The following FLVCR2 variants were observed in gnomAD, a reference collection of about 807,000 sequenced individuals.
The protein encoded by FLVCR2 is choline/ethanolamine transporter FLVCR2.
FLVCR2 carries 38 observed loss-of-function variants against 48.9 expected under a neutral mutation model. The observed-to-expected ratio is 0.78, with a 90% CI of 0.60 to 1.02. The LOEUF is 1.02. Among genes scored for constraint, FLVCR2 ranks in the 50% least tolerant of loss-of-function variants. FLVCR2 has a pLI of 0.00. For missense variants in FLVCR2, 664 were observed against 663.3 expected (o/e 1.00, Z -0.01); for synonymous variants, 255 against 257.0 (o/e 0.99, Z 0.07).
intron 1 of FLVCR2, among the ~76,000 whole-genome samples, chr14:75,594,962 C>T (rs1344694103): frequency 6.6e-6 from 1 of 152,100 alleles, no homozygotes; most frequent in South Asian, 2.1e-4. Flanking sequence ...AAGAGTTCCT[C>T]CCGCCTCAGC....
At chr14:75,630,845 G>A (rs1206709338) in intron 3 of FLVCR2, among the ~76,000 whole-genome samples, 2 of 152,288 alleles carry the variant, frequency 1.3e-5, no homozygotes, top group East Asian at 3.9e-4. Context: ...TTTCAGGGAA[G>A]ATCACATTTT....
intron 1 of FLVCR2, among the ~76,000 whole-genome samples, chr14:75,612,853 ACT>A: frequency 6.6e-6 from 1 of 152,162 alleles, no homozygotes; most frequent in South Asian, 2.1e-4. Context: ...GAGTGCCTTC[ACT>A]CTAGCCTGGT....
At chr14:75,637,591 C>T (rs768793726) in intron 5 of FLVCR2, among the ~76,000 whole-genome samples, 14 of 151,890 alleles carry the variant, frequency 9.2e-5, no homozygotes, top group Non-Finnish European at 1.8e-4. Context: ...ATTAGCCAGG[C>T]GTGGTGGCGG....
At chr14:75,636,449 T>G (rs1890168718) in intron 5 of FLVCR2, among the ~76,000 whole-genome samples, 1 of 152,180 alleles carries the variant, frequency 6.6e-6, no homozygotes, top group Non-Finnish European at 1.5e-5. Context: ...AACCACTGAA[T>G]AGCAGTGACC....
At chr14:75,632,823 A>G (rs1890078191) in intron 3 of FLVCR2, 1 of 702,116 alleles carries the variant, frequency 1.4e-6, no homozygotes, top group African/African-American at 1.7e-5. Context: ...ATTATCTCTA[A>G]AATGGTGACG....
chr14:75,613,049 T>C (rs370671791), intron 1 of FLVCR2, among the ~76,000 whole-genome samples: 1 of 152,328 alleles, frequency 6.6e-6, no homozygotes, highest in African/African-American at 2.4e-5. Flanking sequence ...TTGTGGTGTT[T>C]CAATGCACAC....
chr14:75,619,091 G>A (rs1441480612), intron 1 of FLVCR2, among the ~76,000 whole-genome samples: 2 of 152,032 alleles, frequency 1.3e-5, no homozygotes, highest in Non-Finnish European at 2.9e-5. Context: ...AGGCATGTTG[G>A]TGGGCACCTG....
At chr14:75,615,484 C>T (rs1217222525) in intron 1 of FLVCR2, among the ~76,000 whole-genome samples, 4 of 152,130 alleles carry the variant, frequency 2.6e-5, no homozygotes, top group Admixed American at 6.5e-5. Context: ...TGGGAAAGGG[C>T]CAACCCTGCA....
chr14:75,592,139 G>T (rs896555827), intron 1 of FLVCR2, among the ~76,000 whole-genome samples: 7 of 152,026 alleles, frequency 4.6e-5, no homozygotes, highest in African/African-American at 1.7e-4. Flanking sequence ...CCTGCTCCCA[G>T]GCTTGCTGAT....
intron 1 of FLVCR2, among the ~76,000 whole-genome samples, chr14:75,604,626 G>A (rs756887071): frequency 1.3e-5 from 2 of 151,984 alleles, no homozygotes; most frequent in Non-Finnish European, 2.9e-5. Flanking sequence ...AAAGGTAATC[G>A]CCTCTGTCTT....
intron 1 of FLVCR2, among the ~76,000 whole-genome samples, chr14:75,588,803 C>T (rs1279341528): frequency 2.0e-5 from 3 of 152,200 alleles, no homozygotes; most frequent in African/African-American, 4.8e-5. Context: ...CTTTAAGGGA[C>T]ACATTCAAAC....
intron 1 of FLVCR2, among the ~76,000 whole-genome samples, chr14:75,610,902 C>T (rs925140505): frequency 2.0e-5 from 3 of 152,198 alleles, no homozygotes; most frequent in African/African-American, 7.2e-5. Context: ...TGCTACTGTG[C>T]CCAACTTGTT....
intron 1 of FLVCR2, among the ~76,000 whole-genome samples, chr14:75,607,169 T>C (rs1401241903): frequency 3.3e-5 from 5 of 152,148 alleles, no homozygotes; most frequent in Admixed American, 2.0e-4. Context: ...CTTTTTTTTC[T>C]ATAGCAAGAA....
intron 3 of FLVCR2, among the ~76,000 whole-genome samples, chr14:75,632,082 G>T (rs74784083): frequency 6.6e-6 from 1 of 152,288 alleles, no homozygotes; most frequent in East Asian, 1.9e-4. Context: ...TGAGGAAATT[G>T]TTCATGACCT....
intron 1 of FLVCR2, among the ~76,000 whole-genome samples, chr14:75,580,889 A>C (rs1594786573): frequency 6.6e-6 from 1 of 152,206 alleles, no homozygotes; most frequent in African/African-American, 2.4e-5. Context: ...TGCAGGTCAC[A>C]GGGGATAGGA....
chr14:75,597,279 CA>C lies in FLVCR2; in HGVS notation c.669+17652del, dbSNP rs751154954. Among the ~76,000 whole-genome samples the C allele has an allele frequency of 2.3e-3, 244 of 106,650 alleles. 1 individual carries two copies. Among genetic ancestry groups the C allele is most frequent in the African/African-American group, 2.6e-3 (67 of 25,564 alleles). The allele number at this position is 106,650 out of a possible 152,430, so 70.0% of individuals were successfully genotyped here. A position where few individuals can be genotyped will look rare whatever the true frequency, so the allele number is the denominator to read the frequency against. ...CTGAGCTATAGAGCAAGACCCATCTCAAAAAAAAAAAAAAGAAGAAGAAGAA... is the reference window on the plus strand; with the variant it reads ...CTGAGCTATAGAGCAAGACCCATCTCAAAAAAAAAAAAAGAAGAAGAAGAA... On this transcript the variant is annotated intron_variant, in intron 1 of 9. Coordinates refer to ENST00000238667, the MANE Select transcript of FLVCR2 (RefSeq NM_017791.3).
At chr14:75,636,214 T>C (rs977042716) in intron 5 of FLVCR2, among the ~76,000 whole-genome samples, 1 of 152,184 alleles carries the variant, frequency 6.6e-6, no homozygotes, top group African/African-American at 2.4e-5. Context: ...GTGGCAGACC[T>C]GTTCTCTGCC....
chr14:75,585,113 G>T (rs534452516), intron 1 of FLVCR2, among the ~76,000 whole-genome samples: 1 of 152,194 alleles, frequency 6.6e-6, no homozygotes, highest in South Asian at 2.1e-4. Flanking sequence ...GAAGGGGAGA[G>T]ATCAGATGAG....
intron 1 of FLVCR2, among the ~76,000 whole-genome samples, chr14:75,602,327 C>T (rs1889184931): frequency 6.6e-6 from 1 of 151,978 alleles, no homozygotes; most frequent in Non-Finnish European, 1.5e-5. Context: ...TCTGAGGCTA[C>T]CTAGGAGCGC....
Sources: allele counts gnomAD v4.1 joint callset (sites outside exome capture counted in the v4.1 genomes callset), GRCh38; gene constraint gnomAD v4.1.1; transcripts MANE v1.5; gene names NCBI Gene and HGNC (gene_info 2026-07-23, HGNC 2026-07-21).